The following TCF7 variants were observed in gnomAD, a reference collection of about 807,000 sequenced individuals.
TCF7 encodes T-cell-factor-7.
A neutral mutation model predicts 46.8 loss-of-function variants in TCF7; 19 were observed. The ratio of observed to expected loss-of-function variants is 0.41; its 90% CI spans 0.28 to 0.60. The LOEUF (loss-of-function observed/expected upper bound fraction) is 0.60. Among genes scored for constraint, TCF7 ranks in the 20% least tolerant of loss-of-function variants. TCF7 has a pLI of 0.35. For missense variants in TCF7, 547 were observed against 504.6 expected, an observed-to-expected ratio of 1.08 and a Z score of -0.81; for synonymous variants, 245 against 213.4, an observed-to-expected ratio of 1.15 and a Z score of -1.29.
At chr5:134,121,884 CA>C (rs1756644716) in intron 3 of TCF7, among the ~76,000 whole-genome samples, 1 of 152,202 alleles carries the variant, frequency 6.6e-6, no homozygotes, top group African/African-American at 2.4e-5. Context: ...CCTGGTGCCC[CA>C]GTGCGCTGTA....
At chr5:134,111,427 G>T (rs1457957668), upstream of TCF7, among the ~76,000 whole-genome samples, 2 of 152,076 alleles carry the variant, frequency 1.3e-5, no homozygotes, top group Non-Finnish European at 2.9e-5. Flanking sequence ...CTCCAGGGGG[G>T]CAACCACAGC....
At chr5:134,125,791 G>A (rs1166754414) in intron 3 of TCF7, among the ~76,000 whole-genome samples, 1 of 152,192 alleles carries the variant, frequency 6.6e-6, no homozygotes, top group African/African-American at 2.4e-5. Flanking sequence ...TGAGAGTAGG[G>A]CAGGGCCTGC....
chr5:134,143,114 G>T lies in TCF7; in HGVS notation c.1026+14G>T. 1 of 1,593,068 alleles carries T rather than the reference G, an allele frequency of 6.3e-7. No homozygotes were observed. Among genetic ancestry groups the T allele is most frequent in the South Asian group, 1.1e-5 (1 of 88,372 alleles). Reference sequence around the variant, plus strand: ...CGGGACAACTACGTGAGTGCCTAGTGACACACAGCAGGGGTGGGCAGGGGA... The same window carrying T: ...CGGGACAACTACGTGAGTGCCTAGTTACACACAGCAGGGGTGGGCAGGGGA... On this transcript the variant is annotated intron_variant, in intron 8 of 9. Coordinates refer to ENST00000342854, the MANE Select transcript of TCF7 (RefSeq NM_003202.5).
rs867532113 is a variant in TCF7 at position 134,114,804 on chromosome 5, C to T, written c.-103C>T. On this transcript the variant is annotated 5_prime_UTR_variant, in exon 1 of 10. An upstream open reading frame in the 5' UTR gains an earlier in-frame stop. Transcript: ENST00000342854. ...AGCCCGCGCTCCGCCCGCCGCGATC[C>T]GAGCTCGGAGGTTCGGACTCCGGGC... The T allele has an allele frequency of 7.2e-6, 7 of 968,732 alleles. No homozygotes were observed. Among genetic ancestry groups the T allele is most frequent in the Non-Finnish European group, 8.6e-6 (7 of 816,678 alleles). The allele number at this position is 968,732 out of a possible 1,614,324, so 60.0% of individuals were successfully genotyped here. A position where few individuals can be genotyped will look rare whatever the true frequency, so the allele number is the denominator to read the frequency against.
chr5:134,113,335 G>A (rs1290389718), upstream of TCF7, among the ~76,000 whole-genome samples: 1 of 152,230 alleles, frequency 6.6e-6, no homozygotes, highest in Non-Finnish European at 1.5e-5. Context: ...GTGGGGGCTG[G>A]TGTCCGAGAC....
chr5:134,133,959 T>C (rs1758504379), intron 3 of TCF7, among the ~76,000 whole-genome samples: 1 of 152,190 alleles, frequency 6.6e-6, no homozygotes, highest in East Asian at 1.9e-4. Context: ...CAGCCTGAGC[T>C]GTGCTGCAAC....
Position 134,146,381 on chromosome 5 carries a change from A to G in TCF7, c.*78A>G. 1 of 1,552,460 alleles carries G rather than the reference A, an allele frequency of 6.4e-7. No individual in the cohort carries two copies. The highest frequency in any genetic ancestry group is 8.9e-7 in the Non-Finnish European group (1 of 1,123,916). On this transcript the variant is annotated 3_prime_UTR_variant, in exon 10 of 10. Transcript: ENST00000342854. ...CCGCTTCCCCACAGAACTGCTTACT[A>G]GCCCTGCGGAGCCGGCACCTACATC...
At chr5:134,144,898 T>C (rs1760457907) in intron 9 of TCF7, 1 of 1,603,474 alleles carries the variant, frequency 6.2e-7, no homozygotes. Context: ...TCGTTCTCCC[T>C]TTGCTTTAAG....
intron 3 of TCF7, among the ~76,000 whole-genome samples, chr5:134,134,996 C>G (rs1758654325): frequency 6.6e-6 from 1 of 152,212 alleles, no homozygotes; most frequent in African/African-American, 2.4e-5. Flanking sequence ...CTCTGTCACC[C>G]AGGCTGGAGT....
Position 134,138,038 on chromosome 5 carries a change from AC to A in TCF7, c.442-18del. Reference sequence around the variant, plus strand: ...CCCTCAGGACTCGCCACACTCACCCACCCTCCTTCTCATTTTTCAGCACAAG... The same window carrying A: ...CCCTCAGGACTCGCCACACTCACCCACCTCCTTCTCATTTTTCAGCACAAG... On this transcript the variant is annotated intron_variant, in intron 3 of 9. Coordinates refer to ENST00000342854, the MANE Select transcript of TCF7 (RefSeq NM_003202.5). 1 of 1,533,150 alleles carries A rather than the reference AC, an allele frequency of 6.5e-7. No individual in the cohort carries two copies. 95.0% of individuals were successfully genotyped at this position (1,533,150 alleles called of 1,614,324 possible).
At chr5:134,145,603 C>G in intron 9 of TCF7, 1 of 858,384 alleles carries the variant, frequency 1.2e-6, no homozygotes, top group Non-Finnish European at 1.8e-6. Context: ...AACACTTGTC[C>G]AGCCTCTCAG....
intron 3 of TCF7, among the ~76,000 whole-genome samples, chr5:134,131,294 C>G (rs1227842970): frequency 6.6e-6 from 1 of 152,234 alleles, no homozygotes; most frequent in East Asian, 1.9e-4. Context: ...TTGCTTCCCA[C>G]ATGTGCGAAA....
chr5:134,112,654 T>C (rs1168480024), upstream of TCF7, among the ~76,000 whole-genome samples: 1 of 151,844 alleles, frequency 6.6e-6, no homozygotes, highest in Non-Finnish European at 1.5e-5. Context: ...TTTCACCAAA[T>C]AAAGACATGA....
chr5:134,126,674 G>T (rs151219422), intron 3 of TCF7, among the ~76,000 whole-genome samples: 2 of 152,176 alleles, frequency 1.3e-5, no homozygotes, highest in Admixed American at 1.3e-4. Context: ...CAAGGCAGGC[G>T]GATCACGAGG....
At chr5:134,116,058 C>T in intron 3 of TCF7, 25 bp downstream of exon 3, 7 of 1,600,264 alleles carry the variant, frequency 4.4e-6, no homozygotes, top group Non-Finnish European at 6.0e-6. Context: ...CAGCCAGTGC[C>T]GCCCTGTGCT....
chr5:134,145,548 C>G, intron 9 of TCF7: 1 of 631,074 alleles, frequency 1.6e-6, no homozygotes, highest in Non-Finnish European at 2.8e-6. Context: ...CCTGGCAGGG[C>G]TAAGATAGAG....
At chr5:134,114,363 G>GC (rs1201629292), upstream of TCF7, among the ~76,000 whole-genome samples, 4 of 152,240 alleles carry the variant, frequency 2.6e-5, no homozygotes, top group South Asian at 6.2e-4. Flanking sequence ...GGTAAGCCAC[G>GC]CCCAAGTCCC....
At position 134,142,233 on chromosome 5, in the gene TCF7, A is replaced by C. The variant is rs755098361; in HGVS notation, c.684A>C (p.Pro228=). ...TAGGTTCTGGTGTACCTGGTCACCCAGCAGCCATCCCCCACCCGGCCATTG... is the reference window on the plus strand; with the variant it reads ...TAGGTTCTGGTGTACCTGGTCACCCCGCAGCCATCCCCCACCCGGCCATTG... The part of the protein sequence containing the change: ...LMLGSGVPGH[P]AAIPHPAIVP... Residue 228 remains proline (P), a synonymous_variant, in exon 6 of 10, where the codon CCA becomes CCC. Transcript: ENST00000342854. 79 of 1,612,590 alleles carry C rather than the reference A, an allele frequency of 4.9e-5. No individual in the cohort carries two copies. The South Asian group carries it at 8.6e-4, about 17-fold the overall frequency.
At chr5:134,128,309 C>G (rs1161598673) in intron 3 of TCF7, among the ~76,000 whole-genome samples, 1 of 152,182 alleles carries the variant, frequency 6.6e-6, no homozygotes, top group Non-Finnish European at 1.5e-5. Context: ...ATGAAGGGCT[C>G]TCCTGAGGCT....
Sources: gnomAD v4.1 joint callset for allele counts (sites outside exome capture counted in the v4.1 genomes callset) on GRCh38, gnomAD v4.1.1 for gene constraint, MANE v1.5 for transcripts, NCBI Gene and HGNC (gene_info 2026-07-23, HGNC 2026-07-21) for gene names.